Variants in TGFB2 observed in about 807,000 individuals in gnomAD.
The protein encoded by TGFB2 is transforming growth factor beta 2.
TGFB2 carries 13 observed loss-of-function variants against 42.7 expected under a neutral mutation model. That is an observed-to-expected ratio of 0.30 (90% CI 0.20 to 0.48). TGFB2 has a LOEUF of 0.48. TGFB2 is among the 20% of genes least tolerant of loss of function. The probability of loss-of-function intolerance (pLI) is 0.99; values close to 1 mark genes in which losing one functional copy is unlikely to be tolerated. For missense variants in TGFB2, 390 were observed against 517.5 expected (o/e 0.75, Z 2.39); for synonymous variants, 193 against 193.6 (o/e 1.00, Z 0.03).
chr1:218,385,261 C>T (rs1045707831), intron 1 of TGFB2, among the ~76,000 whole-genome samples: 1 of 152,160 alleles, frequency 6.6e-6, no homozygotes, highest in Non-Finnish European at 1.5e-5. Flanking sequence ...TGAATGACCT[C>T]TGGAATATGT....
rs1038340320 is a variant in TGFB2, at chr1:218,441,472, A to G, written c.*110A>G. 1.5e-5 allele frequency: 19 copies of G among 1,271,944 alleles called. No individual in the cohort carries two copies. Among genetic ancestry groups the G allele is most frequent in the African/African-American group, 1.2e-4 (8 of 65,886 alleles). The allele number at this position is 1,271,944 out of a possible 1,614,324, so 78.8% of individuals were successfully genotyped here. A position where few individuals can be genotyped will look rare whatever the true frequency, so the allele number is the denominator to read the frequency against. ...AAACATAAGAGAGCCTTGGTTCATC[A>G]GTGTTAAAAAATTTTTGAAAAGGCG... On this transcript the variant is annotated 3_prime_UTR_variant, in exon 7 of 7. Coordinates refer to ENST00000366930, the MANE Select transcript of TGFB2 (RefSeq NM_003238.6).
intron 1 of TGFB2, among the ~76,000 whole-genome samples, chr1:218,400,918 G>A (rs1363550873): frequency 6.6e-6 from 1 of 152,250 alleles, no homozygotes; most frequent in East Asian, 1.9e-4. Flanking sequence ...TCCTGGGCAA[G>A]TGGACAGGTG....
chr1:218,415,998 C>T (rs1659266551), intron 2 of TGFB2, among the ~76,000 whole-genome samples: 1 of 152,064 alleles, frequency 6.6e-6, no homozygotes, highest in South Asian at 2.1e-4. Context: ...TCAGTCATCT[C>T]TGCTTGGATG....
chr1:218,378,192 A>T (rs1031995520), intron 1 of TGFB2, among the ~76,000 whole-genome samples: 5 of 148,542 alleles, frequency 3.4e-5, no homozygotes, highest in African/African-American at 1.0e-4. Flanking sequence ...TTTATTTAAG[A>T]TGGAGTCTTG....
intron 1 of TGFB2, among the ~76,000 whole-genome samples, chr1:218,385,487 GA>G (rs1342419001): frequency 6.6e-6 from 1 of 152,228 alleles, no homozygotes; most frequent in Non-Finnish European, 1.5e-5. Context: ...TTCCTGCTAA[GA>G]AGTGGCCATC....
At chr1:218,402,771 A>G (rs1007393032) in intron 1 of TGFB2, among the ~76,000 whole-genome samples, 3 of 152,196 alleles carry the variant, frequency 2.0e-5, no homozygotes, top group Non-Finnish European at 4.4e-5. Flanking sequence ...TAGCTTCTCT[A>G]TTCCAGGATG....
At chr1:218,403,403 A>G (rs988317596) in intron 1 of TGFB2, among the ~76,000 whole-genome samples, 4 of 152,170 alleles carry the variant, frequency 2.6e-5, no homozygotes, top group African/African-American at 9.7e-5. Context: ...TGAAGGAAAA[A>G]ATTCAGGCTC....
intron 1 of TGFB2, among the ~76,000 whole-genome samples, chr1:218,364,026 G>A (rs946899030): frequency 1.3e-5 from 2 of 152,124 alleles, no homozygotes; most frequent in African/African-American, 2.4e-5. Context: ...ATCAGCTATC[G>A]TTAGTGTTAG....
chr1:218,379,193 T>C (rs144784743), intron 1 of TGFB2, among the ~76,000 whole-genome samples: 23,208 of 149,382 alleles, frequency 0.16, 1,991 homozygotes, highest in East Asian at 0.28. Context: ...AGTGCAGTGG[T>C]GCGATCTCGG....
rs1364925696 is a variant in TGFB2, at chr1:218,441,621, A to T, written c.*259A>T. On this transcript the variant is annotated 3_prime_UTR_variant, in exon 7 of 7. Transcript: ENST00000366930. Reference sequence around the variant, plus strand: ...TGTAAGTGAGAGAGACAAGAAGCAAATTTTTTTTAAAGAAAAAAATAAACA... The same window carrying T: ...TGTAAGTGAGAGAGACAAGAAGCAATTTTTTTTTAAAGAAAAAAATAAACA... The T allele has an allele frequency of 6.7e-6, 2 of 297,956 alleles. No homozygotes were observed. The highest frequency in any genetic ancestry group is 2.2e-5 in the African/African-American group (1 of 45,728). 18.5% of individuals were successfully genotyped at this position (297,956 alleles called of 1,614,324 possible). A position where few individuals can be genotyped will look rare whatever the true frequency, so the allele number is the denominator to read the frequency against.
At chr1:218,382,943 T>G (rs1658012191) in intron 1 of TGFB2, among the ~76,000 whole-genome samples, 1 of 152,226 alleles carries the variant, frequency 6.6e-6, no homozygotes, top group Admixed American at 6.5e-5. Context: ...GTTTCTCTTT[T>G]GGCTACTCAT....
intron 1 of TGFB2, among the ~76,000 whole-genome samples, chr1:218,351,244 C>T (rs1224138389): frequency 2.6e-5 from 4 of 152,084 alleles, no homozygotes; most frequent in African/African-American, 9.7e-5. Flanking sequence ...GGTATTTTTG[C>T]TTTATGTAGT....
intron 2 of TGFB2, among the ~76,000 whole-genome samples, chr1:218,423,092 C>G (rs1659509022): frequency 6.6e-6 from 1 of 152,116 alleles, no homozygotes; most frequent in African/African-American, 2.4e-5. Flanking sequence ...TTTGTTCCTG[C>G]TGTAGGTAAG....
chr1:218,372,054 G>T (rs1484799671), intron 1 of TGFB2, among the ~76,000 whole-genome samples: 1 of 152,118 alleles, frequency 6.6e-6, no homozygotes, highest in African/African-American at 2.4e-5. Context: ...GTGCTAGGTA[G>T]CTCAGGGCTT....
intron 1 of TGFB2, among the ~76,000 whole-genome samples, chr1:218,383,444 G>T (rs537152669): frequency 1.8e-3 from 267 of 152,252 alleles, no homozygotes; most frequent in African/African-American, 6.3e-3. Context: ...ATTTTAAAAT[G>T]CAATAATAGG....
At chr1:218,349,277 G>T (rs1401170414) in intron 1 of TGFB2, among the ~76,000 whole-genome samples, 2 of 152,022 alleles carry the variant, frequency 1.3e-5, no homozygotes, top group Non-Finnish European at 2.9e-5. Flanking sequence ...TAATTTTATA[G>T]AAAATAGGTT....
rs1196520685 is a variant in TGFB2 at position 218,411,331 on chromosome 1, G to A, written c.510+5999G>A. On this transcript the variant is annotated intron_variant, in intron 2 of 6. Coordinates refer to ENST00000366930, the MANE Select transcript of TGFB2 (RefSeq NM_003238.6). ...TTGGCTGGATATTGTCTTGCTCCAT[G>A]TGGCTTTGGCTGGGGTCACTTGGTA... is the stretch of plus-strand genomic sequence containing the variant. Among the ~76,000 whole-genome samples, 5 of 152,196 alleles carry A rather than the reference G, an allele frequency of 3.3e-5. No homozygotes were observed. In the East Asian group the frequency reaches 9.6e-4, roughly 29 times the overall value.
intron 1 of TGFB2, among the ~76,000 whole-genome samples, chr1:218,404,072 G>C (rs986992960): frequency 3.5e-5 from 4 of 112,818 alleles, no homozygotes; most frequent in Non-Finnish European, 5.4e-5. Context: ...AAAAAAAAAA[G>C]CCAGCACAAC....
At chr1:218,381,257 T>C (rs1351963030) in intron 1 of TGFB2, among the ~76,000 whole-genome samples, 1 of 129,872 alleles carries the variant, frequency 7.7e-6, no homozygotes, top group Non-Finnish European at 1.7e-5. Flanking sequence ...TTTTTGTTTT[T>C]GTTTTTTTTT....
Sources: allele counts gnomAD v4.1 joint callset (sites outside exome capture counted in the v4.1 genomes callset), GRCh38; gene constraint gnomAD v4.1.1; transcripts MANE v1.5; gene names NCBI Gene and HGNC (gene_info 2026-07-23, HGNC 2026-07-21).